CNKSR3: variants seen among roughly 807,000 people sequenced by gnomAD.
The protein encoded by CNKSR3 is connector enhancer of kinase suppressor of ras 3.
CNKSR3 carries 36 observed loss-of-function variants against 67.7 expected under a neutral mutation model. That is an observed-to-expected ratio of 0.53 (90% CI 0.41 to 0.70). The LOEUF is 0.70. Among genes scored for constraint, CNKSR3 ranks in the 30% least tolerant of loss-of-function variants. The pLI, the probability that CNKSR3 is intolerant of heterozygous loss-of-function variation, is 0.00. For synonymous variants in CNKSR3, 281 were observed against 271.4 expected (o/e 1.04, Z -0.35); for missense variants, 630 against 695.2 (o/e 0.91, Z 1.05).
Position 154,401,530 on chromosome 6 carries a change from G to T in CNKSR3, c.*4824C>A, listed in dbSNP as rs561796153. On this transcript the variant is annotated 3_prime_UTR_variant, in exon 13 of 13. Coordinates refer to ENST00000607772, the MANE Select transcript of CNKSR3 (RefSeq NM_173515.4). ...GTATTTTGTTATTGCAGCCTGAGCT[G>T]ATTAAGACACAGAGTAACTCACAAA... The T allele has an allele frequency of 1.3e-5, 2 of 152,344 alleles. No homozygotes were observed. Among genetic ancestry groups the T allele is most frequent in the African/African-American group, 4.8e-5 (2 of 41,574 alleles). The allele number at this position is 152,344 out of a possible 1,614,324, so 9.4% of individuals were successfully genotyped here. A position where few individuals can be genotyped will look rare whatever the true frequency, so the allele number is the denominator to read the frequency against.
intron 7 of CNKSR3, among the ~76,000 whole-genome samples, chr6:154,423,965 C>A (rs1014854757): frequency 3.9e-5 from 6 of 151,948 alleles, no homozygotes; most frequent in African/African-American, 1.4e-4. Context: ...GGGCGCGGTG[C>A]CTCATGCCTG....
chr6:154,471,772 C>T (rs1455512641), intron 1 of CNKSR3, among the ~76,000 whole-genome samples: 6 of 152,114 alleles, frequency 3.9e-5, no homozygotes, highest in Non-Finnish European at 2.9e-5. Context: ...TCTCTTATAA[C>T]GTAATCTCTT....
In CNKSR3 at chr6:154,428,157, A is replaced by G; in HGVS notation, c.700T>C (p.Leu234=). 1 of 1,610,504 alleles carries G rather than the reference A, an allele frequency of 6.2e-7. No individual in the cohort carries two copies. Among genetic ancestry groups the G allele is most frequent in the South Asian group, 1.1e-5 (1 of 90,990 alleles). ...GMYIKSTYDG[L]HVITGTTENS... ...TCTGTGGTTCCAGTAATCACGTGTAACCCATCATAGGTTGATTTGATGTAC... is the reference window on the plus strand; with the variant it reads ...TCTGTGGTTCCAGTAATCACGTGTAGCCCATCATAGGTTGATTTGATGTAC... Residue 234 remains leucine, a synonymous_variant, in exon 7 of 13, where the codon TTA becomes CTA. Transcript: ENST00000607772.
At chr6:154,476,483 C>T (rs1046264808) in intron 1 of CNKSR3, among the ~76,000 whole-genome samples, 13 of 151,038 alleles carry the variant, frequency 8.6e-5, no homozygotes, top group African/African-American at 1.5e-4. Flanking sequence ...AAAAGACAGA[C>T]CTTCACCCAA....
chr6:154,465,125 G>C (rs1786167644), intron 1 of CNKSR3, among the ~76,000 whole-genome samples: 1 of 145,868 alleles, frequency 6.9e-6, no homozygotes, highest in African/African-American at 2.6e-5. Flanking sequence ...TGGGCAACTG[G>C]GCAAGATTCT....
intron 1 of CNKSR3, among the ~76,000 whole-genome samples, chr6:154,494,936 C>G (rs1388453606): frequency 6.6e-6 from 1 of 152,260 alleles, no homozygotes; most frequent in Non-Finnish European, 1.5e-5. Flanking sequence ...TTGCATTGAT[C>G]AGCACTGATT....
chr6:154,505,807 C>CCCTGAGCA (rs1787091233), intron 1 of CNKSR3, among the ~76,000 whole-genome samples: 1 of 148,650 alleles, frequency 6.7e-6, no homozygotes. Context: ...GCCAACTACA[C>CCCTGAGCA]AATTGTTGAG....
At chr6:154,477,159 A>G (rs76152962) in intron 1 of CNKSR3, among the ~76,000 whole-genome samples, 7,621 of 152,264 alleles carry the variant, frequency 0.05, 306 homozygotes, top group African/African-American at 0.11. Context: ...ATTTCAAAGC[A>G]TTTCAAAAAA....
chr6:154,474,562 T>C (rs141386564), intron 1 of CNKSR3, among the ~76,000 whole-genome samples: 3 of 152,134 alleles, frequency 2.0e-5, no homozygotes, highest in Middle Eastern at 3.4e-3. Context: ...CGTGGAAGGA[T>C]TGAGTTCAGC....
intron 1 of CNKSR3, among the ~76,000 whole-genome samples, chr6:154,452,778 G>C (rs1185525177): frequency 6.6e-6 from 1 of 152,184 alleles, no homozygotes; most frequent in East Asian, 1.9e-4. Flanking sequence ...TAGAAGAGGA[G>C]ATAACGACAC....
intron 1 of CNKSR3, among the ~76,000 whole-genome samples, chr6:154,486,429 T>C (rs1691750058): frequency 6.6e-6 from 1 of 151,846 alleles, no homozygotes; most frequent in African/African-American, 2.4e-5. Flanking sequence ...CCTGGGTAGC[T>C]GGGATTACAG....
intron 10 of CNKSR3, among the ~76,000 whole-genome samples, chr6:154,412,346 T>A (rs187442831): frequency 1.0e-3 from 153 of 152,316 alleles, no homozygotes; most frequent in Non-Finnish European, 1.5e-4. Flanking sequence ...GTGTGTGCAC[T>A]CTCAAAAGCG....
intron 1 of CNKSR3, among the ~76,000 whole-genome samples, chr6:154,462,744 G>GC (rs2128721128): frequency 6.6e-6 from 1 of 152,260 alleles, no homozygotes; most frequent in East Asian, 1.9e-4. Flanking sequence ...GCTTCAGCTG[G>GC]CCACGGTATA....
In CNKSR3 at chr6:154,445,988, G is replaced by A. The variant is rs188770195; in HGVS notation, c.217-3698C>T. On this transcript the variant is annotated intron_variant, in intron 2 of 12. Transcript: ENST00000607772. ...TTGACTTAAGTGCCCCATAAAGACC[G>A]AAAATAAATAATTTCTCAGACCAGA... is the stretch of plus-strand genomic sequence containing the variant. 2.1e-3 allele frequency among the ~76,000 whole-genome samples: 317 copies of A among 152,196 alleles called. 2 individuals carry two copies. The highest frequency in any genetic ancestry group is 0.017 in the Middle Eastern group (5 of 294).
intron 1 of CNKSR3, among the ~76,000 whole-genome samples, chr6:154,503,855 A>G (rs560702735): frequency 6.6e-6 from 1 of 152,322 alleles, no homozygotes; most frequent in South Asian, 2.1e-4. Flanking sequence ...ATGTAAATAA[A>G]ACAGCTGGAG....
At chr6:154,491,107 A>G (rs867961477) in intron 1 of CNKSR3, among the ~76,000 whole-genome samples, 1 of 152,070 alleles carries the variant, frequency 6.6e-6, no homozygotes, top group Non-Finnish European at 1.5e-5. Flanking sequence ...TCGGCCTCCC[A>G]AAGTGCTGGG....
chr6:154,429,035 C>G (rs1785310826), intron 6 of CNKSR3, among the ~76,000 whole-genome samples: 1 of 152,208 alleles, frequency 6.6e-6, no homozygotes, highest in Admixed American at 6.5e-5. Flanking sequence ...TGAATATTCT[C>G]TCTCCTCAGA....
chr6:154,469,228 T>C (rs926837301), intron 1 of CNKSR3, among the ~76,000 whole-genome samples: 1 of 152,196 alleles, frequency 6.6e-6, no homozygotes, highest in Non-Finnish European at 1.5e-5. Flanking sequence ...ATTTTGCAAC[T>C]GATTGGCTAC....
chr6:154,497,188 GGGAAACGGAAACATAATGAGACCTC>G (rs1786896695), intron 1 of CNKSR3, among the ~76,000 whole-genome samples: 1 of 151,724 alleles, frequency 6.6e-6, no homozygotes, highest in African/African-American at 2.4e-5. Context: ...AAACCAGCCT[GGGAAACGGAAACATAATGAGACCTC>G]GTTTCTACTA....
Sources: allele counts gnomAD v4.1 joint callset (sites outside exome capture counted in the v4.1 genomes callset), GRCh38; gene constraint gnomAD v4.1.1; transcripts MANE v1.5; gene names NCBI Gene and HGNC (gene_info 2026-07-23, HGNC 2026-07-21).